Variants in NBAS observed in about 807,000 individuals in gnomAD.
NBAS encodes NBAS subunit of NRZ tethering complex, also known as NAG/BC035112 fusion.
A neutral mutation model predicts 302.5 loss-of-function variants in NBAS; 219 were observed. The ratio of observed to expected loss-of-function variants is 0.72; its 90% confidence interval spans 0.65 to 0.81. The LOEUF (loss-of-function observed/expected upper bound fraction) is 0.81. NBAS is among the 30% of genes least tolerant of loss of function. The pLI, the probability that NBAS is intolerant of heterozygous loss-of-function variation, is 0.00. For synonymous variants in NBAS, 1,118 were observed against 1,021.6 expected (o/e 1.09, Z -1.80); for missense variants, 2,932 against 2,841.6 (o/e 1.03, Z -0.72).
At chr2:15,303,973 C>A (rs1346028518) in intron 40 of NBAS, among the ~76,000 whole-genome samples, 1 of 152,198 alleles carries the variant, frequency 6.6e-6, no homozygotes, top group Non-Finnish European at 1.5e-5. Context: ...TGAGGTCCAG[C>A]ATCATGCCAT....
the NBAS span, among the ~76,000 whole-genome samples, chr2:15,043,507 G>C: frequency 6.6e-6 from 1 of 152,112 alleles, no homozygotes; most frequent in African/African-American, 2.4e-5. Flanking sequence ...CCAGGACACA[G>C]GACTGTCCTG....
At chr2:15,524,664 C>A (rs1474055316) in intron 9 of NBAS, among the ~76,000 whole-genome samples, 1 of 152,150 alleles carries the variant, frequency 6.6e-6, no homozygotes, top group Non-Finnish European at 1.5e-5. Context: ...CTCATTAGGG[C>A]AACTTCAAAG....
the NBAS span, among the ~76,000 whole-genome samples, chr2:15,156,084 C>A: frequency 6.6e-6 from 1 of 152,130 alleles, no homozygotes; most frequent in African/African-American, 2.4e-5. Context: ...CCATTTCCTG[C>A]CCAAAAAATG....
At chr2:15,552,001 A>G (rs534770181) in intron 5 of NBAS, among the ~76,000 whole-genome samples, 11 of 152,356 alleles carry the variant, frequency 7.2e-5, no homozygotes, top group Non-Finnish European at 1.3e-4. Context: ...ATAGGTCACC[A>G]TATTTAAATC....
chr2:15,034,276 G>GAAAAAA, the NBAS span, among the ~76,000 whole-genome samples: 1 of 81,892 alleles, frequency 1.2e-5, no homozygotes, highest in Non-Finnish European at 2.4e-5. Flanking sequence ...AAGAAAGAAA[G>GAAAAAA]AGAGAAAGAA....
the NBAS span, among the ~76,000 whole-genome samples, chr2:14,990,648 TAG>T: frequency 1.3e-5 from 2 of 152,216 alleles, no homozygotes; most frequent in Non-Finnish European, 2.9e-5. Flanking sequence ...TTTGTATTTT[TAG>T]AGACAGGGCC....
At position 15,554,394 on chromosome 2, in the gene NBAS, C is replaced by G. The variant is rs889859288; in HGVS notation, c.210-256G>C. ...TATGTACTTCCCAGGTAACAGACAT[C>G]TAGCATACCAATCACAGAGCAGAGT... On this transcript the variant is annotated intron_variant, in intron 3 of 51. Transcript: ENST00000281513. Among the ~76,000 whole-genome samples the G allele has an allele frequency of 2.0e-5, 3 of 151,836 alleles. No homozygotes were observed. In the East Asian group the frequency reaches 5.8e-4, roughly 29 times the overall value.
At chr2:15,465,107 G>T (rs1679666876) in intron 19 of NBAS, among the ~76,000 whole-genome samples, 2 of 152,200 alleles carry the variant, frequency 1.3e-5, no homozygotes, top group South Asian at 4.1e-4. Context: ...TCAAAAAAAT[G>T]TGTTGGTATT....
At chr2:15,439,863 C>A (rs1384273852) in intron 21 of NBAS, among the ~76,000 whole-genome samples, 5 of 152,356 alleles carry the variant, frequency 3.3e-5, no homozygotes, top group African/African-American at 7.2e-5. Flanking sequence ...TATCCTGCAC[C>A]TGGCTCGGAG....
intron 27 of NBAS, among the ~76,000 whole-genome samples, chr2:15,394,698 T>A (rs1017942945): frequency 6.6e-6 from 1 of 152,186 alleles, no homozygotes; most frequent in South Asian, 2.1e-4. Flanking sequence ...TTAATCCTAT[T>A]GAGTATTCTG....
chr2:15,459,944 C>G (rs77225187), intron 21 of NBAS, among the ~76,000 whole-genome samples: 1 of 152,140 alleles, frequency 6.6e-6, no homozygotes, highest in South Asian at 2.1e-4. Context: ...TGCTACTGAA[C>G]TTCTGTAAAT....
Position 15,314,546 on chromosome 2 carries a change from C to T in NBAS, c.4583-5299G>A, listed in dbSNP as rs75746469. On this transcript the variant is annotated intron_variant, in intron 38 of 51. Transcript: ENST00000281513. ...CCCGTGCCATGCTGGGCAGGTAAAACTCAGATAGAAAACCCACAGTCTTGA... is the reference window on the plus strand; with the variant it reads ...CCCGTGCCATGCTGGGCAGGTAAAATTCAGATAGAAAACCCACAGTCTTGA... Among the ~76,000 whole-genome samples the T allele has an allele frequency of 4.5e-3, 686 of 152,238 alleles. 9 individuals are homozygous for T. Among genetic ancestry groups the T allele is most frequent in the African/African-American group, 0.016 (657 of 41,544 alleles).
chr2:15,496,730 G>T (rs1346838798), intron 11 of NBAS, among the ~76,000 whole-genome samples: 2 of 152,142 alleles, frequency 1.3e-5, no homozygotes, highest in African/African-American at 4.8e-5. Context: ...TTGCTGCAAA[G>T]GAGGTTATCA....
At chr2:14,845,081 T>G in the NBAS span, among the ~76,000 whole-genome samples, 1 of 152,136 alleles carries the variant, frequency 6.6e-6, no homozygotes, top group Non-Finnish European at 1.5e-5. Flanking sequence ...AGGTAGTGGT[T>G]ACAGCAGGCT....
intron 32 of NBAS, among the ~76,000 whole-genome samples, chr2:15,363,594 CT>C (rs1363518046): frequency 6.6e-6 from 1 of 152,172 alleles, no homozygotes; most frequent in East Asian, 1.9e-4. Context: ...AATTATTTAA[CT>C]TTTCTCTATT....
chr2:15,331,433 T>A (rs942553265), intron 35 of NBAS, among the ~76,000 whole-genome samples: 9 of 152,202 alleles, frequency 5.9e-5, no homozygotes, highest in Admixed American at 2.6e-4. Context: ...CTGCATTTAG[T>A]CAAAGAAAAA....
the NBAS span, among the ~76,000 whole-genome samples, chr2:15,095,998 G>T: frequency 6.6e-6 from 1 of 152,200 alleles, no homozygotes; most frequent in Non-Finnish European, 1.5e-5. Context: ...CAGCCCAGGC[G>T]CAAGCTCCCT....
chr2:14,909,694 A>G, the NBAS span, among the ~76,000 whole-genome samples: 1 of 152,206 alleles, frequency 6.6e-6, no homozygotes, highest in Admixed American at 6.5e-5. Flanking sequence ...TGGTGATAAA[A>G]CAATGTGCCA....
At chr2:14,789,429 C>T in the NBAS span, among the ~76,000 whole-genome samples, 1 of 152,334 alleles carries the variant, frequency 6.6e-6, no homozygotes, top group East Asian at 1.9e-4. Flanking sequence ...CTGCGTCGCT[C>T]ATGCTGGGAG....
Sources: gnomAD v4.1 joint callset for allele counts (sites outside exome capture counted in the v4.1 genomes callset) on GRCh38, gnomAD v4.1.1 for gene constraint, MANE v1.5 for transcripts, NCBI Gene and HGNC (gene_info 2026-07-23, HGNC 2026-07-21) for gene names.